Variants in SNAP25 observed in about 807,000 individuals in gnomAD.
The protein encoded by SNAP25 is synaptosome associated protein 25, also known as synaptosomal-associated protein 25.
In SNAP25, 3 loss-of-function variants were observed where a neutral mutation model predicts 28.7. That is an observed-to-expected ratio of 0.10 (90% CI 0.05 to 0.27). SNAP25 has a LOEUF of 0.27. Among genes scored for constraint, SNAP25 ranks in the 10% least tolerant of loss-of-function variants. The pLI, the probability that SNAP25 is intolerant of heterozygous loss-of-function variation, is 1.00. For missense variants in SNAP25, 117 were observed against 278.7 expected (o/e 0.42, Z 4.13); for synonymous variants, 61 against 88.1 (o/e 0.69, Z 1.72).
At chr20:10,287,776 T>C (rs376295126) in intron 4 of SNAP25, among the ~76,000 whole-genome samples, 2 of 151,272 alleles carry the variant, frequency 1.3e-5, no homozygotes, top group South Asian at 4.2e-4. Context: ...CCAACAATGA[T>C]AGACTGGATT....
chr20:10,254,684 G>A (rs1326419054), intron 1 of SNAP25, among the ~76,000 whole-genome samples: 2 of 152,170 alleles, frequency 1.3e-5, no homozygotes, highest in Non-Finnish European at 2.9e-5. Context: ...GGAGCAGGAG[G>A]AGAAACCAGA....
intron 1 of SNAP25, among the ~76,000 whole-genome samples, chr20:10,265,354 G>A (rs1241262503): frequency 6.6e-6 from 1 of 152,078 alleles, no homozygotes; most frequent in Non-Finnish European, 1.5e-5. Flanking sequence ...TTTTTGCTCT[G>A]GTCCTTAGTT....
intron 1 of SNAP25, among the ~76,000 whole-genome samples, chr20:10,232,008 A>T (rs1216623190): frequency 6.6e-6 from 1 of 152,310 alleles, no homozygotes; most frequent in Non-Finnish European, 1.5e-5. Context: ...ATCTAAGCAA[A>T]TGTTGAGCAG....
intron 5 of SNAP25, among the ~76,000 whole-genome samples, chr20:10,295,205 T>C (rs527515833): frequency 6.6e-6 from 1 of 152,366 alleles, no homozygotes; most frequent in Non-Finnish European, 1.5e-5. Flanking sequence ...CAAGGGACGA[T>C]GGTAGATGTA....
chr20:10,238,522 A>G (rs1425454010), intron 1 of SNAP25, among the ~76,000 whole-genome samples: 2 of 152,296 alleles, frequency 1.3e-5, no homozygotes, highest in East Asian at 3.9e-4. Context: ...GGCAAAAAAT[A>G]TAAGGGGAAT....
rs1005593749 is a variant in SNAP25, at chr20:10,291,384, G to A, written c.164-1777G>A. On this transcript the variant is annotated intron_variant, in intron 4 of 7. Coordinates refer to ENST00000254976, the MANE Select transcript of SNAP25 (RefSeq NM_130811.4). ...AGCCACCACACCCAGCTATATTTGCGGATTTTTTTTTTTAAGCCATCACTG... is the reference window on the plus strand; with the variant it reads ...AGCCACCACACCCAGCTATATTTGCAGATTTTTTTTTTTAAGCCATCACTG... 3.3e-5 allele frequency among the ~76,000 whole-genome samples: 5 copies of A among 151,914 alleles called. No homozygotes were observed. The South Asian group carries it at 6.2e-4, about 19-fold the overall frequency.
chr20:10,267,126 A>G (rs1021507686), intron 1 of SNAP25, among the ~76,000 whole-genome samples: 5 of 152,180 alleles, frequency 3.3e-5, no homozygotes, highest in Admixed American at 6.5e-5. Context: ...TTAACATCAC[A>G]TTTTCAAATA....
intron 6 of SNAP25, 54 bp downstream of exon 6, chr20:10,297,104 ACT>A: frequency 6.8e-7 from 1 of 1,471,284 alleles, no homozygotes; most frequent in Middle Eastern, 1.8e-4. Context: ...AGTACAAACA[ACT>A]CCAAAACTGA....
chr20:10,224,255 G>GTTTTTTTTTT (rs1438577018), intron 1 of SNAP25, among the ~76,000 whole-genome samples: 1 of 24,034 alleles, frequency 4.2e-5, no homozygotes, highest in Non-Finnish European at 7.0e-5. Context: ...GAATGTACAT[G>GTTTTTTTTTT]TCTTTTTTTT....
intron 4 of SNAP25, among the ~76,000 whole-genome samples, chr20:10,291,068 T>C (rs2063987479): frequency 6.6e-6 from 1 of 152,192 alleles, no homozygotes; most frequent in African/African-American, 2.4e-5. Flanking sequence ...TAAAAATTTT[T>C]TTTAATTGTA....
At chr20:10,302,180 C>T (rs2064256519) in intron 7 of SNAP25, among the ~76,000 whole-genome samples, 1 of 152,022 alleles carries the variant, frequency 6.6e-6, no homozygotes, top group Admixed American at 6.6e-5. Flanking sequence ...GAGCTATGAT[C>T]GTGCCACTGC....
chr20:10,250,307 T>G (rs1343761797), intron 1 of SNAP25, among the ~76,000 whole-genome samples: 1 of 152,236 alleles, frequency 6.6e-6, no homozygotes, highest in African/African-American at 2.4e-5. Flanking sequence ...TTGTTGAGTG[T>G]AAGTAAATGG....
At chr20:10,253,205 G>T (rs1339678232) in intron 1 of SNAP25, among the ~76,000 whole-genome samples, 2 of 152,122 alleles carry the variant, frequency 1.3e-5, no homozygotes, top group Non-Finnish European at 2.9e-5. Context: ...TGATTCCTCA[G>T]CTACAAACCG....
At chr20:10,220,639 G>C (rs2062611842) in intron 1 of SNAP25, among the ~76,000 whole-genome samples, 1 of 152,186 alleles carries the variant, frequency 6.6e-6, no homozygotes, top group Non-Finnish European at 1.5e-5. Context: ...ATTTCTCTCT[G>C]TTTGATGTAG....
chr20:10,224,503 A>G (rs984598500), intron 1 of SNAP25, among the ~76,000 whole-genome samples: 4 of 151,798 alleles, frequency 2.6e-5, no homozygotes, highest in African/African-American at 9.7e-5. Context: ...TATCCCTACC[A>G]TTCAAAAATC....
chr20:10,263,595 T>C (rs2063457906), intron 1 of SNAP25, among the ~76,000 whole-genome samples: 1 of 152,148 alleles, frequency 6.6e-6, no homozygotes, highest in South Asian at 2.1e-4. Flanking sequence ...TCATTTTGTT[T>C]AGGGTATAAC....
At chr20:10,294,531 C>T (rs567534563) in intron 5 of SNAP25, among the ~76,000 whole-genome samples, 1 of 152,230 alleles carries the variant, frequency 6.6e-6, no homozygotes, top group Non-Finnish European at 1.5e-5. Context: ...GGGTAGTTTG[C>T]ATTGTCTCAC....
intron 2 of SNAP25, among the ~76,000 whole-genome samples, chr20:10,276,939 A>G (rs2088534887): frequency 6.6e-6 from 1 of 152,200 alleles, no homozygotes; most frequent in African/African-American, 2.4e-5. Flanking sequence ...TCTTCCAGGG[A>G]AGTTAACATC....
chr20:10,264,948 G>T (rs1447524531), intron 1 of SNAP25, among the ~76,000 whole-genome samples: 1 of 137,738 alleles, frequency 7.3e-6, no homozygotes, highest in Non-Finnish European at 1.5e-5. Flanking sequence ...CTGAGATGGA[G>T]TCTCGCTCTG....
Sources: allele counts gnomAD v4.1 joint callset (sites outside exome capture counted in the v4.1 genomes callset), GRCh38; gene constraint gnomAD v4.1.1; transcripts MANE v1.5; gene names NCBI Gene and HGNC (gene_info 2026-07-23, HGNC 2026-07-21).